The following COL26A1 variants were observed in gnomAD, a reference collection of about 807,000 sequenced individuals.
COL26A1 encodes collagen alpha-1(XXVI) chain.
A neutral mutation model predicts 59.3 loss-of-function variants in COL26A1; 41 were observed. That is an observed-to-expected ratio of 0.69 (90% CI 0.54 to 0.90). The LOEUF is 0.90. Ranked by LOEUF, COL26A1 falls within the 40% of genes least tolerant of loss-of-function variation. The probability of loss-of-function intolerance (pLI) is 0.00; values close to 1 mark genes in which losing one functional copy is unlikely to be tolerated. For missense variants in COL26A1, 612 were observed against 602.3 expected (o/e 1.02, Z -0.17); for synonymous variants, 266 against 256.0 (o/e 1.04, Z -0.37).
chr7:101,547,093 C>A, intron 7 of COL26A1, 63 bp from the exon 8 acceptor site: 1 of 1,235,924 alleles, frequency 8.1e-7, no homozygotes, highest in Non-Finnish European at 1.1e-6. Flanking sequence ...GTGCCCCGGA[C>A]CAGCCTCCCA....
intron 3 of COL26A1, among the ~76,000 whole-genome samples, chr7:101,526,855 T>G (rs1326569788): frequency 6.6e-6 from 1 of 152,128 alleles, no homozygotes; most frequent in African/African-American, 2.4e-5. Flanking sequence ...ATGGGAAAAC[T>G]GAGGTGTGGA....
At chr7:101,501,042 C>T (rs1030595023) in intron 3 of COL26A1, among the ~76,000 whole-genome samples, 27 of 149,222 alleles carry the variant, frequency 1.8e-4, no homozygotes, top group African/African-American at 3.5e-4. Context: ...AAAGTTTAGC[C>T]GGGCATGGTG....
intron 4 of COL26A1, among the ~76,000 whole-genome samples, chr7:101,536,051 G>A (rs941410334): frequency 6.6e-5 from 10 of 152,152 alleles, no homozygotes; most frequent in East Asian, 1.9e-4. Flanking sequence ...ACAAGGTCTC[G>A]TGCTATCTCA....
At chr7:101,459,585 G>C (rs979550561) in intron 3 of COL26A1, among the ~76,000 whole-genome samples, 1 of 151,630 alleles carries the variant, frequency 6.6e-6, no homozygotes, top group Admixed American at 6.6e-5. Context: ...TGGGATTACA[G>C]GCATAAGCCA....
At chr7:101,538,677 C>T (rs952518188) in intron 4 of COL26A1, among the ~76,000 whole-genome samples, 1 of 152,158 alleles carries the variant, frequency 6.6e-6, no homozygotes, top group African/African-American at 2.4e-5. Context: ...GGCCTGAGCC[C>T]AGGGGGCCCA....
At chr7:101,522,894 T>C (rs533225936) in intron 3 of COL26A1, among the ~76,000 whole-genome samples, 4 of 152,122 alleles carry the variant, frequency 2.6e-5, no homozygotes, top group South Asian at 2.1e-4. Context: ...GAGTATCACA[T>C]TGTGGTTTAA....
chr7:101,539,835 G>A (rs1795569728), intron 4 of COL26A1, 58 bp from the exon 5 acceptor site: 17 of 1,544,622 alleles, frequency 1.1e-5, no homozygotes, highest in Middle Eastern at 1.8e-4. Context: ...TGTGTGTCAC[G>A]CATGTCCCTA....
At position 101,381,366 on chromosome 7, in the gene COL26A1, G is replaced by A. The variant is rs939077044; in HGVS notation, c.158+18176G>A. 3.9e-5 allele frequency among the ~76,000 whole-genome samples: 6 copies of A among 151,918 alleles called. No individual in the cohort carries two copies. The East Asian group carries it at 1.2e-3, about 29-fold the overall frequency. On this transcript the variant is annotated intron_variant, in intron 1 of 12. Transcript: ENST00000313669. ...CTCTTGTATGGACCTTTTAGATTAG[G>A]TTGGGCTCATCTGGATACCCCCTCA...
chr7:101,531,266 C>G (rs1054555114), intron 3 of COL26A1, among the ~76,000 whole-genome samples: 23 of 152,334 alleles, frequency 1.5e-4, no homozygotes, highest in Middle Eastern at 3.4e-3. Context: ...CCACCACACC[C>G]GGCCTACCTT....
At chr7:101,420,129 C>T (rs1354494855) in intron 2 of COL26A1, 30 bp downstream of exon 2, 1 of 1,608,476 alleles carries the variant, frequency 6.2e-7, no homozygotes, top group Non-Finnish European at 8.5e-7. Flanking sequence ...GCTGCTCTGC[C>T]CTTCCCTCCC....
At chr7:101,483,395 A>C (rs1341263213) in intron 3 of COL26A1, among the ~76,000 whole-genome samples, 3 of 151,808 alleles carry the variant, frequency 2.0e-5, no homozygotes, top group African/African-American at 7.3e-5. Context: ...ACGGGGTTTC[A>C]CCATCTTGGC....
intron 4 of COL26A1, among the ~76,000 whole-genome samples, chr7:101,533,780 G>A (rs1795419817): frequency 1.3e-5 from 2 of 149,564 alleles, no homozygotes; most frequent in South Asian, 2.1e-4. Flanking sequence ...TTTTGAGAAC[G>A]TTTCAGGGGC....
chr7:101,478,631 T>C, intron 3 of COL26A1, among the ~76,000 whole-genome samples: 1 of 152,340 alleles, frequency 6.6e-6, no homozygotes, highest in Admixed American at 6.5e-5. Context: ...AGTGTTTCCT[T>C]TTTAACTTTT....
At chr7:101,551,552 G>A (rs1461449611) in intron 10 of COL26A1, among the ~76,000 whole-genome samples, 1 of 152,106 alleles carries the variant, frequency 6.6e-6, no homozygotes, top group East Asian at 1.9e-4. Flanking sequence ...GAGTCTCCCA[G>A]CCTGACCAAC....
At chr7:101,539,827 T>C (rs6465817) in intron 4 of COL26A1, 66 bp from the exon 5 acceptor site, 660,511 of 1,492,728 alleles carry the variant, frequency 0.44, 152,090 homozygotes, top group African/African-American at 0.72. Flanking sequence ...CATGTCCCTG[T>C]GTGTCACGCA....
chr7:101,451,376 AAT>A (rs1481836928), intron 3 of COL26A1, among the ~76,000 whole-genome samples: 1 of 146,964 alleles, frequency 6.8e-6, no homozygotes, highest in Non-Finnish European at 1.5e-5. Context: ...AATTATATAT[AAT>A]GTTATATTTA....
chr7:101,404,631 C>A (rs143656389), intron 1 of COL26A1, among the ~76,000 whole-genome samples: 2 of 152,242 alleles, frequency 1.3e-5, no homozygotes, highest in South Asian at 2.1e-4. Flanking sequence ...CACAGTGGCT[C>A]ATACCTGGAA....
intron 1 of COL26A1, among the ~76,000 whole-genome samples, chr7:101,419,545 G>T (rs1470664563): frequency 6.6e-6 from 1 of 152,156 alleles, no homozygotes; most frequent in East Asian, 1.9e-4. Flanking sequence ...TTGGTCGGTT[G>T]GTCGGTTGGC....
chr7:101,505,489 A>G (rs1794794945), intron 3 of COL26A1, among the ~76,000 whole-genome samples: 1 of 152,158 alleles, frequency 6.6e-6, no homozygotes, highest in Non-Finnish European at 1.5e-5. Flanking sequence ...AAGGAGTATT[A>G]ACTCACAGGA....
Sources: gnomAD v4.1 joint callset for allele counts (sites outside exome capture counted in the v4.1 genomes callset) on GRCh38, gnomAD v4.1.1 for gene constraint, MANE v1.5 for transcripts, NCBI Gene and HGNC (gene_info 2026-07-23, HGNC 2026-07-21) for gene names.